DOCK9: variants seen among roughly 807,000 people sequenced by gnomAD.
DOCK9 encodes dedicator of cytokinesis 9.
In DOCK9, 89 loss-of-function variants were observed where a neutral mutation model predicts 263.3. The observed-to-expected ratio is 0.34, with a 90% CI of 0.28 to 0.40. The LOEUF (loss-of-function observed/expected upper bound fraction) is 0.40. Ranked by LOEUF, DOCK9 falls within the 10% of genes least tolerant of loss-of-function variation. The probability of loss-of-function intolerance (pLI) is 1.00; values close to 1 mark genes in which losing one functional copy is unlikely to be tolerated. For synonymous variants in DOCK9, 976 were observed against 973.1 expected, an observed-to-expected ratio of 1.00 and a Z score of -0.06; for missense variants, 2,140 against 2,603.4, an observed-to-expected ratio of 0.82 and a Z score of 3.87.
rs953255701 is a variant in DOCK9, at chr13:98,845,778, G to C, written c.4198+146C>G. The C allele has an allele frequency of 3.7e-6, 4 of 1,077,292 alleles. No individual in the cohort carries two copies. The African/African-American group carries it at 4.7e-5, about 13-fold the overall frequency. 66.7% of individuals were successfully genotyped at this position (1,077,292 alleles called of 1,614,324 possible). On this transcript the variant is annotated intron_variant, in intron 38 of 52. Coordinates refer to ENST00000682017, the MANE Select transcript of DOCK9 (RefSeq NM_001366683.2). ...GCTGAGGACGCTCCTCCAAGGAAGG[G>C]AACTGTGCCATGAGCTCTTCATCCT...
chr13:99,065,530 C>T (rs1451065020), intron 1 of DOCK9, among the ~76,000 whole-genome samples: 1 of 152,170 alleles, frequency 6.6e-6, no homozygotes, highest in East Asian at 1.9e-4. Context: ...TACCTCTAAC[C>T]CTCCATACAT....
At chr13:99,052,525 A>G (rs1207265905) in intron 1 of DOCK9, among the ~76,000 whole-genome samples, 1 of 152,164 alleles carries the variant, frequency 6.6e-6, no homozygotes, top group Non-Finnish European at 1.5e-5. Flanking sequence ...ATTGATGTTG[A>G]GCATTTTTCC....
Position 98,898,201 on chromosome 13 carries a change from T to C in DOCK9, c.1564A>G (p.Met522Val), listed in dbSNP as rs1229353357. 6.2e-7 allele frequency: 1 copy of C among 1,611,938 alleles called. No individual in the cohort carries two copies. The highest frequency in any genetic ancestry group is 8.5e-7 in the Non-Finnish European group (1 of 1,179,018). ...QACQRLGQYR[M>V]PFAWAARTLF... ...TACCTTGCTGCCCAAGCAAATGGCA[T>C]TCTATACTGTCCTAGTCTTTGGCAT... The change falls in exon 14 of 53, where the codon ATG becomes GTG. Residue 522 changes from methionine to valine, a missense_variant. This residue lies in a region of DOCK9 where 1,521 missense variants were observed against 1,741.7 expected (regional missense o/e 0.87). Transcript: ENST00000682017.
At chr13:99,041,980 G>A (rs569573261) in intron 1 of DOCK9, among the ~76,000 whole-genome samples, 1 of 152,352 alleles carries the variant, frequency 6.6e-6, no homozygotes, top group South Asian at 2.1e-4. Flanking sequence ...TCTCTCAGAA[G>A]TGTGACAGAA....
At chr13:98,904,494 C>T in intron 10 of DOCK9, 138 bp downstream of exon 10, 2 of 632,444 alleles carry the variant, frequency 3.2e-6, no homozygotes, top group African/African-American at 1.8e-5. Context: ...TTTATTTTTC[C>T]TCTTTTCCCC....
chr13:99,085,831 G>A (rs1450216239), intron 1 of DOCK9, among the ~76,000 whole-genome samples: 4 of 150,506 alleles, frequency 2.7e-5, no homozygotes, highest in Non-Finnish European at 5.9e-5. Flanking sequence ...CATGGAAGGA[G>A]AGGGAGGCCG....
chr13:98,815,340 A>G (rs1002185282), intron 45 of DOCK9, among the ~76,000 whole-genome samples: 3 of 152,226 alleles, frequency 2.0e-5, no homozygotes, highest in Non-Finnish European at 4.4e-5. Flanking sequence ...GCATACTTCT[A>G]ATAATGAAAC....
chr13:98,850,813 T>C (rs2093546345), intron 35 of DOCK9, among the ~76,000 whole-genome samples: 1 of 152,242 alleles, frequency 6.6e-6, no homozygotes, highest in African/African-American at 2.4e-5. Context: ...AACCTCTGTG[T>C]GAACCCTTAA....
At chr13:98,924,428 G>A (rs948252890) in intron 4 of DOCK9, among the ~76,000 whole-genome samples, 1 of 152,226 alleles carries the variant, frequency 6.6e-6, no homozygotes, top group Non-Finnish European at 1.5e-5. Flanking sequence ...GTGATGGTTA[G>A]TTTTAAAACA....
rs546896510 is a variant in DOCK9, at chr13:98,973,501, G to A, written c.126+4283C>T. Reference sequence around the variant, plus strand: ...AGAGTTATTTAGCTAGAGTAATCACGTGGTCATTCAAACATTAAAATAAGA... The same window carrying A: ...AGAGTTATTTAGCTAGAGTAATCACATGGTCATTCAAACATTAAAATAAGA... On this transcript the variant is annotated intron_variant, in intron 1 of 52. Transcript: ENST00000682017. Among the ~76,000 whole-genome samples the A allele has an allele frequency of 7.9e-5, 12 of 152,322 alleles. No homozygotes were observed. The East Asian group carries it at 1.7e-3, about 22-fold the overall frequency.
chr13:99,072,992 C>CA (rs748576801), intron 1 of DOCK9, among the ~76,000 whole-genome samples: 25 of 151,390 alleles, frequency 1.7e-4, no homozygotes, highest in Non-Finnish European at 3.2e-4. Context: ...GACCCTGTCT[C>CA]AAAAAAAGAA....
At chr13:99,003,611 G>A (rs1008437357) in intron 1 of DOCK9, among the ~76,000 whole-genome samples, 1 of 152,058 alleles carries the variant, frequency 6.6e-6, no homozygotes, top group Non-Finnish European at 1.5e-5. Context: ...ACCTCAGCAG[G>A]TGGCACCCTG....
At chr13:99,038,065 TA>T (rs1357492229) in intron 1 of DOCK9, among the ~76,000 whole-genome samples, 3 of 152,126 alleles carry the variant, frequency 2.0e-5, no homozygotes, top group African/African-American at 7.2e-5. Flanking sequence ...TCAAATTGTG[TA>T]TTTTAAATAT....
Position 98,885,708 on chromosome 13 carries a change from C to T in DOCK9, c.2260G>A (p.Val754Ile), listed in dbSNP as rs1326550217. 2 of 1,609,346 alleles carry T rather than the reference C, an allele frequency of 1.2e-6. No homozygotes were observed. The highest frequency in any genetic ancestry group is 1.7e-6 in the Non-Finnish European group (2 of 1,178,632). Residue 754 changes from valine to isoleucine, a missense_variant and splice_region_variant, in exon 20 of 53, where the codon GTT becomes ATT. Val to Ile is a conservative substitution (Grantham distance 29). Transcript: ENST00000682017. The stretch of plus-strand genomic sequence containing the variant: ...CAAAGGAATGGTAAGCCCCCCCAAC[C>T]TTGGGTTTCAACGACATCCCTCTTC... ...TKKRDVVETQ[V>I]GYSWLPLLKD...
chr13:99,078,975 C>A (rs1032132964), intron 1 of DOCK9, among the ~76,000 whole-genome samples: 9 of 152,158 alleles, frequency 5.9e-5, no homozygotes, highest in African/African-American at 2.2e-4. Context: ...AAAGACTAAA[C>A]ACAGATAGGT....
chr13:98,995,818 G>A (rs1880903402), intron 1 of DOCK9, among the ~76,000 whole-genome samples: 2 of 152,140 alleles, frequency 1.3e-5, no homozygotes, highest in Non-Finnish European at 2.9e-5. Context: ...GCTAGAAGGA[G>A]GAGTGAATTC....
At chr13:99,034,226 C>T (rs1887628370) in intron 1 of DOCK9, among the ~76,000 whole-genome samples, 1 of 152,082 alleles carries the variant, frequency 6.6e-6, no homozygotes, top group South Asian at 2.1e-4. Context: ...TTGCTTCCTC[C>T]CTCATTTCCC....
intron 37 of DOCK9, among the ~76,000 whole-genome samples, chr13:98,848,332 G>C (rs978870982): frequency 6.6e-6 from 1 of 152,202 alleles, no homozygotes; most frequent in African/African-American, 2.4e-5. Flanking sequence ...GTTTGGACGA[G>C]AGGATGGAAG....
chr13:98,880,473 T>TGCC (rs1328330368), intron 26 of DOCK9, 74 bp downstream of exon 26: 1 of 1,595,262 alleles, frequency 6.3e-7, no homozygotes, highest in Admixed American at 1.7e-5. Flanking sequence ...TCAGAAAGGC[T>TGCC]GTATTGATCA....
Sources: gnomAD v4.1 joint callset for allele counts (sites outside exome capture counted in the v4.1 genomes callset) on GRCh38, gnomAD v4.1.1 for gene constraint, gnomAD v4.1.1 regional missense constraint, MANE v1.5 for transcripts, NCBI Gene and HGNC (gene_info 2026-07-23, HGNC 2026-07-21) for gene names.